The following BAG4 variants were observed in gnomAD, a reference collection of about 807,000 sequenced individuals.
The protein encoded by BAG4 is BAG cochaperone 4, also known as BAG family molecular chaperone regulator 4.
Under a neutral mutation model 52.1 loss-of-function variants are expected in BAG4, and 28 were observed. That is an observed-to-expected ratio of 0.54 (90% CI 0.40 to 0.74). The LOEUF is 0.74. Ranked by LOEUF, BAG4 falls within the 30% of genes least tolerant of loss-of-function variation. The probability of loss-of-function intolerance (pLI) is 0.00; values close to 1 mark genes in which losing one functional copy is unlikely to be tolerated. For missense variants in BAG4, 525 were observed against 572.0 expected (o/e 0.92, Z 0.84); for synonymous variants, 208 against 217.0 (o/e 0.96, Z 0.37).
At chr8:38,181,886 C>CAAAAAAAAAA (rs34268146) in intron 1 of BAG4, among the ~76,000 whole-genome samples, 3 of 37,240 alleles carry the variant, frequency 8.1e-5, no homozygotes, top group African/African-American at 1.1e-4. Flanking sequence ...GAGACTATCT[C>CAAAAAAAAAA]AAAAAAAAAA....
intron 1 of BAG4, among the ~76,000 whole-genome samples, chr8:38,178,849 T>G (rs1254833538): frequency 6.6e-6 from 1 of 152,130 alleles, no homozygotes; most frequent in Admixed American, 6.6e-5. Context: ...TGTTCTAAAA[T>G]CAGGGCCTGG....
chr8:38,176,901 C>G lies in BAG4; in HGVS notation c.32C>G (p.Pro11Arg). The G allele has an allele frequency of 6.5e-7, 1 of 1,547,082 alleles. No homozygotes were observed. The highest frequency in any genetic ancestry group is 8.7e-7 in the Non-Finnish European group (1 of 1,145,818). ...GCCCTGAGGCGCTCGGGCTACGGCC[C>G]CAGTGACGGTCCGTCCTACGGCCGC... MSALRRSGYG[P>R]SDGPSYGRYY... The change falls in exon 1 of 5, where the codon CCC (proline) becomes CGC (arginine). Residue 11 changes from proline to arginine, a missense_variant. Pro to Arg is a moderately radical substitution (Grantham distance 103). This residue lies in a region of BAG4 where 287 missense variants were observed against 266.1 expected (regional missense o/e 1.08). Transcript: ENST00000287322.
chr8:38,206,991 C>G (rs184318304), intron 2 of BAG4, among the ~76,000 whole-genome samples: 1 of 135,084 alleles, frequency 7.4e-6, no homozygotes, highest in Non-Finnish European at 1.6e-5. Context: ...TTACTCTTGT[C>G]CCCCAGGCTG....
chr8:38,191,261 A>C (rs971034076), intron 1 of BAG4, among the ~76,000 whole-genome samples: 4 of 152,218 alleles, frequency 2.6e-5, no homozygotes, highest in African/African-American at 9.6e-5. Context: ...GTACCAAGAT[A>C]ACAAACAGTA....
At chr8:38,184,145 A>G (rs888964403) in intron 1 of BAG4, among the ~76,000 whole-genome samples, 1 of 152,142 alleles carries the variant, frequency 6.6e-6, no homozygotes, top group African/African-American at 2.4e-5. Flanking sequence ...GAATAAAGGG[A>G]AGAGGTTGGA....
rs781640921 is a variant in BAG4, at chr8:38,176,943, G to T, written c.74G>T (p.Gly25Val). 3 of 1,555,938 alleles carry T rather than the reference G, an allele frequency of 1.9e-6. No individual in the cohort carries two copies. Among genetic ancestry groups the T allele is most frequent in the Non-Finnish European group, 2.6e-6 (3 of 1,150,104 alleles). Residue 25 changes from glycine (G) to valine (V), a missense_variant, in exon 1 of 5, where the codon GGT (glycine) becomes GTT (valine). Gly to Val is a moderately radical substitution (Grantham distance 109). Around this residue, in one of 2 missense-constraint regions of BAG4, gnomAD observed 287 missense variants for 266.1 expected, o/e 1.08. Transcript: ENST00000287322. ...TACGGCCGCTACTACGGGCCTGGGG[G>T]TGGAGATGTGCCGGTACACCCACCT... ...PSYGRYYGPG[G>V]GDVPVHPPPP...
chr8:38,207,125 G>T (rs577773166), intron 2 of BAG4, among the ~76,000 whole-genome samples: 1 of 152,056 alleles, frequency 6.6e-6, no homozygotes, highest in Non-Finnish European at 1.5e-5. Flanking sequence ...GTTAATTTTT[G>T]TATTTTTAGT....
intron 1 of BAG4, among the ~76,000 whole-genome samples, chr8:38,177,917 C>T (rs2130656042): frequency 6.6e-6 from 1 of 152,184 alleles, no homozygotes; most frequent in Non-Finnish European, 1.5e-5. Flanking sequence ...AAGAATTATC[C>T]TCATTTGTTG....
At chr8:38,196,895 G>A (rs1803570651) in intron 2 of BAG4, among the ~76,000 whole-genome samples, 1 of 151,850 alleles carries the variant, frequency 6.6e-6, no homozygotes, top group Non-Finnish European at 1.5e-5. Flanking sequence ...TGGCCAACAT[G>A]GTGAAACCCC....
At chr8:38,194,867 T>TG (rs1179682290) in intron 2 of BAG4, among the ~76,000 whole-genome samples, 79 of 142,646 alleles carry the variant, frequency 5.5e-4, no homozygotes, top group African/African-American at 1.9e-3. Context: ...TTTTTTGTTT[T>TG]TTTTTTTGGC....
chr8:38,196,591 C>T (rs1451477441), intron 2 of BAG4, among the ~76,000 whole-genome samples: 1 of 150,030 alleles, frequency 6.7e-6, no homozygotes, highest in African/African-American at 2.5e-5. Context: ...AGGCAGCTTG[C>T]AGTGAGCTGA....
intron 2 of BAG4, among the ~76,000 whole-genome samples, chr8:38,203,570 A>G (rs1210503754): frequency 6.6e-6 from 1 of 152,178 alleles, no homozygotes; most frequent in Non-Finnish European, 1.5e-5. Flanking sequence ...GGTGTGAGCC[A>G]CCGTGCCTGG....
chr8:38,199,952 T>TCTCAGTATCATCTGTTGAAAGA (rs1463286616), intron 2 of BAG4, among the ~76,000 whole-genome samples: 1 of 152,146 alleles, frequency 6.6e-6, no homozygotes, highest in Non-Finnish European at 1.5e-5. Flanking sequence ...GATAGTTATG[T>TCTCAGTATCATCTGTTGAAAGA]CTCAGTATCA....
chr8:38,183,955 G>T (rs1473273768), intron 1 of BAG4, among the ~76,000 whole-genome samples: 1 of 152,152 alleles, frequency 6.6e-6, no homozygotes, highest in Non-Finnish European at 1.5e-5. Flanking sequence ...CCCAAGTGGA[G>T]AATTACATTT....
intron 1 of BAG4, among the ~76,000 whole-genome samples, chr8:38,180,179 A>G (rs1355760345): frequency 6.6e-6 from 1 of 151,614 alleles, no homozygotes; most frequent in Non-Finnish European, 1.5e-5. Flanking sequence ...CTGAAACTTT[A>G]AAAGTATAGG....
At chr8:38,179,159 A>T (rs1484556328) in intron 1 of BAG4, among the ~76,000 whole-genome samples, 1 of 148,686 alleles carries the variant, frequency 6.7e-6, no homozygotes, top group Non-Finnish European at 1.5e-5. Context: ...ATTATTTTTT[A>T]TTTTTATTTT....
At chr8:38,180,603 CT>C (rs560012350) in intron 1 of BAG4, among the ~76,000 whole-genome samples, 3 of 142,838 alleles carry the variant, frequency 2.1e-5, no homozygotes, top group Admixed American at 1.4e-4. Flanking sequence ...GTTATTTTGA[CT>C]TTTTTTTATG....
At chr8:38,185,756 G>A (rs1046111592) in intron 1 of BAG4, among the ~76,000 whole-genome samples, 1 of 152,096 alleles carries the variant, frequency 6.6e-6, no homozygotes, top group Non-Finnish European at 1.5e-5. Context: ...GTAGAGACAG[G>A]GTTTCACCAT....
chr8:38,205,738 T>G (rs1193477706), intron 2 of BAG4, among the ~76,000 whole-genome samples: 2 of 152,124 alleles, frequency 1.3e-5, no homozygotes, highest in Admixed American at 6.6e-5. Flanking sequence ...ATGGAATTCT[T>G]TGGTCATGGG....
Sources: allele counts gnomAD v4.1 joint callset (sites outside exome capture counted in the v4.1 genomes callset), GRCh38; gene constraint gnomAD v4.1.1; regional missense constraint gnomAD v4.1.1; transcripts MANE v1.5; gene names NCBI Gene and HGNC (gene_info 2026-07-23, HGNC 2026-07-21).